Variants in PAK3 observed in about 807,000 individuals in gnomAD.
PAK3 encodes the protein p21 (RAC1) activated kinase 3, also known as serine/threonine-protein kinase PAK 3.
PAK3 carries 4 observed loss-of-function variants against 41.0 expected under a neutral mutation model. That is an observed-to-expected ratio of 0.10 (90% confidence interval 0.05 to 0.22). The LOEUF (loss-of-function observed/expected upper bound fraction) is 0.22, where lower values mean the gene tolerates loss of function less well. Among genes scored for constraint, PAK3 ranks in the 10% least tolerant of loss-of-function variants. The pLI, the probability that PAK3 is intolerant of heterozygous loss-of-function variation, is 1.00. For synonymous variants in PAK3, 146 were observed against 139.6 expected (o/e 1.05, Z -0.32); for missense variants, 205 against 409.9 (o/e 0.50, Z 4.32).
At chrX:111,155,529 A>G (rs993034468) in intron 8 of PAK3, among the ~76,000 whole-genome samples, 1 of 108,948 alleles carries the variant, frequency 9.2e-6, no homozygotes, top group Non-Finnish European at 1.9e-5. Context: ...AACAATATGG[A>G]TAGTATTACA....
chrX:110,994,638 G>C (rs888942409), intron 1 of PAK3, among the ~76,000 whole-genome samples: 1 of 111,543 alleles, frequency 9.0e-6, no homozygotes, highest in Non-Finnish European at 1.9e-5. Flanking sequence ...CCTTTCACAC[G>C]TGTACCTCCC....
intron 7 of PAK3, among the ~76,000 whole-genome samples, chrX:111,149,659 C>A (rs755880940): frequency 2.7e-5 from 3 of 112,320 alleles, no homozygotes; most frequent in Non-Finnish European, 3.8e-5. Context: ...TATGTTGGCC[C>A]CTTTCAGATA....
chrX:111,024,664 C>T (rs914666462), intron 1 of PAK3, among the ~76,000 whole-genome samples: 2 of 111,073 alleles, frequency 1.8e-5, no homozygotes, highest in African/African-American at 6.5e-5. Flanking sequence ...AACTACTAGA[C>T]TTAAAAATTA....
chrX:110,976,488 C>T (rs1004973770), intron 1 of PAK3, among the ~76,000 whole-genome samples: 2 of 111,835 alleles, frequency 1.8e-5, no homozygotes, highest in Admixed American at 1.9e-4. Flanking sequence ...TGGAGAAATA[C>T]GAACACTTTT....
At chrX:111,024,086 G>A (rs1447938899) in intron 1 of PAK3, among the ~76,000 whole-genome samples, 2 of 111,791 alleles carry the variant, frequency 1.8e-5, no homozygotes, top group Admixed American at 9.5e-5. Flanking sequence ...TGTAAGGAAG[G>A]GATCCAGTTT....
intron 1 of PAK3, among the ~76,000 whole-genome samples, chrX:111,036,722 C>T: frequency 8.9e-6 from 1 of 111,856 alleles, no homozygotes; most frequent in Admixed American, 9.5e-5. Flanking sequence ...AGTAACCACG[C>T]ATGAGAGTGC....
intron 1 of PAK3, among the ~76,000 whole-genome samples, chrX:111,016,314 T>G (rs993619010): frequency 2.7e-5 from 3 of 111,782 alleles, no homozygotes; most frequent in Non-Finnish European, 5.6e-5. Context: ...AAGAGGAGAC[T>G]CTATGGCAGC....
rs2094936930 is a variant in PAK3 at position 111,223,295 on chromosome X, A to G, written c.*2848A>G. Reference sequence around the variant, plus strand: ...GTCAGGGAAGGGTGAGAAGCACAGTAGAGATTATTTATTTAAAAAAGGAAA... The same window carrying G: ...GTCAGGGAAGGGTGAGAAGCACAGTGGAGATTATTTATTTAAAAAAGGAAA... On this transcript the variant is annotated 3_prime_UTR_variant, in exon 18 of 18. Coordinates refer to ENST00000372007, the MANE Select transcript of PAK3 (RefSeq NM_002578.5). The G allele has an allele frequency of 9.1e-6, 1 of 110,468 alleles. No individual in the cohort carries two copies. The allele number at this position is 110,468 out of a possible 1,213,427, so 9.1% of individuals were successfully genotyped here.
At chrX:111,051,835 G>T (rs960946566) in intron 1 of PAK3, among the ~76,000 whole-genome samples, 6 of 112,250 alleles carry the variant, frequency 5.3e-5, no homozygotes, top group Admixed American at 2.8e-4. Context: ...AGAGTCTTAT[G>T]AATACTAGAC....
intron 1 of PAK3, 112 bp from the exon 2 acceptor site, chrX:111,097,278 G>A (rs1415740723): frequency 1.9e-5 from 2 of 103,475 alleles, no homozygotes; most frequent in Non-Finnish European, 4.0e-5. Flanking sequence ...TTCCCTAGGT[G>A]GTGGTTAAGG....
chrX:111,201,851 T>C (rs890326533), intron 16 of PAK3, among the ~76,000 whole-genome samples: 5 of 110,729 alleles, frequency 4.5e-5, no homozygotes, highest in East Asian at 2.8e-4. Context: ...TATTTATATA[T>C]ATGAAATGTA....
chrX:111,063,884 T>A (rs1212405899), intron 1 of PAK3, among the ~76,000 whole-genome samples: 1 of 110,651 alleles, frequency 9.0e-6, no homozygotes, highest in African/African-American at 3.3e-5. Flanking sequence ...TCCTCAATAT[T>A]GAGGCCGCTG....
chrX:111,219,934 T>C (rs1265710498), intron 17 of PAK3, among the ~76,000 whole-genome samples: 1 of 111,973 alleles, frequency 8.9e-6, no homozygotes, highest in African/African-American at 3.2e-5. Flanking sequence ...TTTTATTAAG[T>C]ACTGCAGAGG....
intron 1 of PAK3, among the ~76,000 whole-genome samples, chrX:110,969,895 T>C (rs758422868): frequency 1.8e-5 from 2 of 112,447 alleles, no homozygotes; most frequent in Non-Finnish European, 3.8e-5. Flanking sequence ...AGGAATAGTA[T>C]GAAATGTGTA....
intron 1 of PAK3, among the ~76,000 whole-genome samples, chrX:111,030,213 TG>T (rs894966636): frequency 9.0e-5 from 10 of 111,582 alleles, no homozygotes; most frequent in African/African-American, 3.3e-4. Flanking sequence ...CATATCTTTT[TG>T]GTTTTTTTTT....
intron 5 of PAK3, among the ~76,000 whole-genome samples, chrX:111,133,315 C>G (rs1477798667): frequency 9.0e-6 from 1 of 111,312 alleles, no homozygotes; most frequent in Admixed American, 9.6e-5. Flanking sequence ...ACCCTTGCAT[C>G]TAGGTATCCA....
chrX:110,976,411 A>T (rs1055575981), intron 1 of PAK3, among the ~76,000 whole-genome samples: 21 of 112,451 alleles, frequency 1.9e-4, no homozygotes, highest in Non-Finnish European at 3.4e-4. Flanking sequence ...ACAATGAGAT[A>T]CCATCTCATG....
At chrX:111,134,327 C>T (rs922203192) in intron 5 of PAK3, among the ~76,000 whole-genome samples, 2 of 112,089 alleles carry the variant, frequency 1.8e-5, no homozygotes, top group South Asian at 7.4e-4. Context: ...ACTACAAAAA[C>T]AACTGTAAAA....
At chrX:111,068,224 A>ATAT (rs2092715468) in intron 1 of PAK3, among the ~76,000 whole-genome samples, 1 of 111,265 alleles carries the variant, frequency 9.0e-6, no homozygotes, top group Non-Finnish European at 1.9e-5. Flanking sequence ...GATCATCTAT[A>ATAT]ATTTATTTGT....
Sources: allele counts gnomAD v4.1 joint callset (sites outside exome capture counted in the v4.1 genomes callset), GRCh38; gene constraint gnomAD v4.1.1; transcripts MANE v1.5; gene names NCBI Gene and HGNC (gene_info 2026-07-23, HGNC 2026-07-21).